The following KLF12 variants were observed in gnomAD, a reference collection of about 807,000 sequenced individuals.
KLF12 encodes Krueppel-like factor 12.
A neutral mutation model predicts 37.8 loss-of-function variants in KLF12; 9 were observed. That is an observed-to-expected ratio of 0.24 (90% CI 0.14 to 0.42). The LOEUF (loss-of-function observed/expected upper bound fraction) is 0.42, where lower values mean the gene tolerates loss of function less well. KLF12 is among the 10% of genes least tolerant of loss of function. The probability of loss-of-function intolerance (pLI) is 1.00; values close to 1 mark genes in which losing one functional copy is unlikely to be tolerated. For missense variants in KLF12, 411 were observed against 516.0 expected (o/e 0.80, Z 1.97); for synonymous variants, 208 against 202.1 (o/e 1.03, Z -0.25).
chr13:73,757,377 A>G (rs2138021783), intron 6 of KLF12, among the ~76,000 whole-genome samples: 1 of 152,308 alleles, frequency 6.6e-6, no homozygotes, highest in East Asian at 1.9e-4. Context: ...ATTTAAAGAA[A>G]TGTATTATTA....
chr13:74,164,680 C>G, the KLF12 span, among the ~76,000 whole-genome samples: 1 of 152,116 alleles, frequency 6.6e-6, no homozygotes, highest in African/African-American at 2.4e-5. Context: ...AGAGAAAATC[C>G]AACTAAATAG....
At chr13:74,159,522 A>T in the KLF12 span, among the ~76,000 whole-genome samples, 3 of 152,172 alleles carry the variant, frequency 2.0e-5, no homozygotes, top group African/African-American at 7.2e-5. Flanking sequence ...AAAATTGACA[A>T]CTGGATAATG....
intron 3 of KLF12, among the ~76,000 whole-genome samples, chr13:73,932,615 A>T (rs904679928): frequency 1.2e-4 from 19 of 152,214 alleles, no homozygotes; most frequent in African/African-American, 4.6e-4. Flanking sequence ...AAATTGATAG[A>T]CACACAGTGA....
intron 2 of KLF12, among the ~76,000 whole-genome samples, chr13:73,971,943 T>C (rs1325052012): frequency 1.3e-5 from 2 of 152,158 alleles, no homozygotes; most frequent in Non-Finnish European, 2.9e-5. Context: ...ATAGTATTGT[T>C]TTCTACTCAC....
At chr13:74,234,770 C>A in the KLF12 span, among the ~76,000 whole-genome samples, 75 of 151,558 alleles carry the variant, frequency 4.9e-4, 1 homozygote, top group African/African-American at 1.7e-3. Context: ...CTTCGGAGAT[C>A]TCTTTCCAAA....
chr13:74,203,543 G>A, the KLF12 span, among the ~76,000 whole-genome samples: 1 of 152,006 alleles, frequency 6.6e-6, no homozygotes, highest in Non-Finnish European at 1.5e-5. Flanking sequence ...GGCAAAAAAA[G>A]GTAATGCTTA....
chr13:74,275,298 A>G, the KLF12 span, among the ~76,000 whole-genome samples: 3 of 152,216 alleles, frequency 2.0e-5, no homozygotes, highest in African/African-American at 4.8e-5. Context: ...CAATGTCACT[A>G]TGAATCCTTT....
chr13:73,877,644 C>G (rs774588734), intron 3 of KLF12, among the ~76,000 whole-genome samples: 1 of 152,164 alleles, frequency 6.6e-6, no homozygotes, highest in African/African-American at 2.4e-5. Context: ...AAACTGATGT[C>G]ACCTTCTTGC....
At chr13:74,205,678 G>A in the KLF12 span, among the ~76,000 whole-genome samples, 2 of 152,224 alleles carry the variant, frequency 1.3e-5, no homozygotes, top group East Asian at 1.9e-4. Flanking sequence ...GAAGGACTAG[G>A]CTGTCTTTAT....
At chr13:74,088,433 G>A (rs1875450618) in intron 1 of KLF12, among the ~76,000 whole-genome samples, 1 of 151,960 alleles carries the variant, frequency 6.6e-6, no homozygotes, top group Non-Finnish European at 1.5e-5. Context: ...TCACCATGTT[G>A]GCCAGGCTAG....
chr13:74,241,318 C>A, the KLF12 span, among the ~76,000 whole-genome samples: 1 of 151,484 alleles, frequency 6.6e-6, no homozygotes. Context: ...TCTCCAGCTG[C>A]GTACTGGGAG....
chr13:73,837,304 T>A (rs183447217), intron 4 of KLF12, among the ~76,000 whole-genome samples: 1 of 152,200 alleles, frequency 6.6e-6, no homozygotes, highest in Non-Finnish European at 1.5e-5. Flanking sequence ...GCGCCAGTTA[T>A]TATCATCGAA....
At chr13:74,000,617 T>C (rs1353148245) in intron 1 of KLF12, among the ~76,000 whole-genome samples, 1 of 152,158 alleles carries the variant, frequency 6.6e-6, no homozygotes, top group Non-Finnish European at 1.5e-5. Flanking sequence ...ATAATTAAAG[T>C]CCCACTTGGA....
intron 3 of KLF12, among the ~76,000 whole-genome samples, chr13:73,924,421 T>G (rs538125438): frequency 1.3e-5 from 2 of 152,318 alleles, no homozygotes; most frequent in South Asian, 4.1e-4. Context: ...ATTATTATAT[T>G]TGTTATGGCG....
intron 3 of KLF12, among the ~76,000 whole-genome samples, chr13:73,895,878 TG>T (rs1887744001): frequency 6.6e-6 from 1 of 150,990 alleles, no homozygotes; most frequent in Non-Finnish European, 1.5e-5. Flanking sequence ...TGGAGTGCAG[TG>T]GAGTGATCTG....
At chr13:74,022,442 A>AC (rs1270832696) in intron 1 of KLF12, among the ~76,000 whole-genome samples, 3 of 140,454 alleles carry the variant, frequency 2.1e-5, no homozygotes, top group Admixed American at 2.0e-4. Flanking sequence ...TGAAACAGCC[A>AC]CCAGTGGCCA....
intron 3 of KLF12, among the ~76,000 whole-genome samples, chr13:73,889,561 G>A (rs1421224290): frequency 6.6e-6 from 1 of 152,100 alleles, no homozygotes; most frequent in Admixed American, 6.5e-5. Flanking sequence ...ACCAAGTACT[G>A]TGACTTTAAT....
intron 6 of KLF12, among the ~76,000 whole-genome samples, chr13:73,730,141 G>C (rs949614859): frequency 6.6e-6 from 1 of 152,056 alleles, no homozygotes; most frequent in Non-Finnish European, 1.5e-5. Flanking sequence ...GGGACTCCTG[G>C]AGCTTCACTA....
intron 2 of KLF12, among the ~76,000 whole-genome samples, chr13:73,950,792 G>T (rs1436085948): frequency 1.7e-4 from 26 of 152,312 alleles, no homozygotes; most frequent in Non-Finnish European, 1.5e-5. Context: ...TTACAAGTGG[G>T]TTTGATGTCA....
Sources: gnomAD v4.1 joint callset for allele counts (sites outside exome capture counted in the v4.1 genomes callset) on GRCh38, gnomAD v4.1.1 for gene constraint, MANE v1.5 for transcripts, NCBI Gene and HGNC (gene_info 2026-07-23, HGNC 2026-07-21) for gene names.